PTCHD4: variants seen among roughly 807,000 people sequenced by gnomAD.
PTCHD4 encodes the protein patched domain containing 4, also known as patched domain-containing protein 4.
In PTCHD4, 33 loss-of-function variants were observed where a neutral mutation model predicts 58.1. That is an observed-to-expected ratio of 0.57 (90% confidence interval 0.43 to 0.76). The LOEUF is 0.76. PTCHD4 is among the 30% of genes least tolerant of loss of function. The pLI, the probability that PTCHD4 is intolerant of heterozygous loss-of-function variation, is 0.00. For synonymous variants in PTCHD4, 478 were observed against 409.6 expected (o/e 1.17, Z -2.02); for missense variants, 1,058 against 1,027.1 (o/e 1.03, Z -0.41).
At chr6:47,933,102 C>T (rs1368901503) in intron 4 of PTCHD4, among the ~76,000 whole-genome samples, 1 of 152,162 alleles carries the variant, frequency 6.6e-6, no homozygotes, top group African/African-American at 2.4e-5. Flanking sequence ...CTGCAAGTTC[C>T]TAGCCTGCAG....
chr6:47,869,855 A>G lies in PTCHD4; in HGVS notation c.*8448T>C, dbSNP rs558535924. ...GAAGTTTAATTCTTAGCCTAGAATT[A>G]AAAGGTAGCATGCTCGAAGTTCTCA... On this transcript the variant is annotated 3_prime_UTR_variant, in exon 5 of 5. Coordinates refer to ENST00000339488, the MANE Select transcript of PTCHD4 (RefSeq NM_001384253.1). Among the ~76,000 whole-genome samples, 1 of 151,662 alleles carries G rather than the reference A, an allele frequency of 6.6e-6. No individual in the cohort carries two copies. The highest frequency in any genetic ancestry group is 2.4e-5 in the African/African-American group (1 of 41,374).
At chr6:47,947,863 G>A (rs191932813) in intron 4 of PTCHD4, among the ~76,000 whole-genome samples, 11 of 152,028 alleles carry the variant, frequency 7.2e-5, no homozygotes, top group South Asian at 2.1e-4. Context: ...TTATGTTTCC[G>A]CCATTGTTTC....
chr6:47,935,830 AT>A (rs1186125627), intron 4 of PTCHD4, among the ~76,000 whole-genome samples: 2 of 152,196 alleles, frequency 1.3e-5, no homozygotes, highest in Non-Finnish European at 2.9e-5. Context: ...AAAGCATATA[AT>A]TTTAGGTGAT....
intron 1 of PTCHD4, among the ~76,000 whole-genome samples, chr6:48,098,619 G>A (rs574050408): frequency 1.3e-5 from 2 of 152,278 alleles, no homozygotes; most frequent in East Asian, 1.9e-4. Context: ...GATTACAGGC[G>A]TGGGCCACTG....
At chr6:47,916,835 A>G (rs1230960258) in intron 4 of PTCHD4, among the ~76,000 whole-genome samples, 1 of 152,186 alleles carries the variant, frequency 6.6e-6, no homozygotes, top group African/African-American at 2.4e-5. Flanking sequence ...GAATCTGTCC[A>G]AAATGTTAAA....
At position 47,875,618 on chromosome 6, in the gene PTCHD4, C is replaced by T. The variant is rs1354187517; in HGVS notation, c.*2685G>A. On this transcript the variant is annotated 3_prime_UTR_variant, in exon 5 of 5. Coordinates refer to ENST00000339488, the MANE Select transcript of PTCHD4 (RefSeq NM_001384253.1). ...CCTTCCAAAATGCCCTCTAGTCACT[C>T]GAACAATGAGAAATTCATATTTATC... Among the ~76,000 whole-genome samples the T allele has an allele frequency of 3.3e-5, 5 of 151,702 alleles. No individual in the cohort carries two copies. The highest frequency in any genetic ancestry group is 5.9e-5 in the Non-Finnish European group (4 of 67,850).
chr6:47,955,391 G>C (rs530966181), intron 4 of PTCHD4, among the ~76,000 whole-genome samples: 1 of 152,162 alleles, frequency 6.6e-6, no homozygotes, highest in Non-Finnish European at 1.5e-5. Context: ...CTCGAATTAT[G>C]AGTCTGATTT....
At chr6:47,912,648 G>A (rs567868833) in intron 4 of PTCHD4, among the ~76,000 whole-genome samples, 2 of 152,046 alleles carry the variant, frequency 1.3e-5, no homozygotes, top group Admixed American at 6.6e-5. Context: ...ATAAGAATTA[G>A]TGACATTATT....
At chr6:48,103,987 A>G (rs1765663105) in intron 1 of PTCHD4, among the ~76,000 whole-genome samples, 1 of 152,260 alleles carries the variant, frequency 6.6e-6, no homozygotes, top group Non-Finnish European at 1.5e-5. Context: ...GGTGTACCTG[A>G]AAGTGACAGG....
chr6:47,956,765 C>A (rs1228818648), intron 4 of PTCHD4, among the ~76,000 whole-genome samples: 1 of 152,020 alleles, frequency 6.6e-6, no homozygotes, highest in East Asian at 1.9e-4. Context: ...ATTCTATGTA[C>A]TTTTTGGTTT....
intron 3 of PTCHD4, among the ~76,000 whole-genome samples, chr6:48,019,712 G>A (rs1762996167): frequency 6.6e-6 from 1 of 151,004 alleles, no homozygotes; most frequent in Admixed American, 6.6e-5. Flanking sequence ...CTCCAGCCTG[G>A]GTGGCAGAGC....
At chr6:47,953,303 A>G (rs1766725754) in intron 4 of PTCHD4, among the ~76,000 whole-genome samples, 1 of 152,132 alleles carries the variant, frequency 6.6e-6, no homozygotes, top group African/African-American at 2.4e-5. Flanking sequence ...ATTTTTTAAA[A>G]AGTTAACCAC....
chr6:48,082,929 T>C (rs1032014278), intron 1 of PTCHD4, among the ~76,000 whole-genome samples: 9 of 151,948 alleles, frequency 5.9e-5, no homozygotes, highest in Non-Finnish European at 1.0e-4. Flanking sequence ...CATGTTTGGC[T>C]TAGTTCCATA....
chr6:47,925,707 T>G (rs1443029560), intron 4 of PTCHD4, among the ~76,000 whole-genome samples: 1 of 152,224 alleles, frequency 6.6e-6, no homozygotes, highest in East Asian at 1.9e-4. Flanking sequence ...TGGCTTGCTT[T>G]TAGTTATTCT....
intron 1 of PTCHD4, among the ~76,000 whole-genome samples, chr6:48,096,745 G>A (rs1157528363): frequency 1.3e-5 from 2 of 152,098 alleles, no homozygotes; most frequent in African/African-American, 4.8e-5. Context: ...GGCCTTCTAT[G>A]CTACCTTGGA....
chr6:47,965,583 G>A (rs894055347), intron 4 of PTCHD4, among the ~76,000 whole-genome samples: 1 of 152,182 alleles, frequency 6.6e-6, no homozygotes, highest in African/African-American at 2.4e-5. Context: ...GCAGAACTTA[G>A]TAATAATACT....
intron 4 of PTCHD4, among the ~76,000 whole-genome samples, chr6:48,001,520 A>G (rs1026535898): frequency 2.6e-5 from 4 of 152,220 alleles, no homozygotes; most frequent in African/African-American, 9.6e-5. Flanking sequence ...AGGATTCCCT[A>G]TTTAATAAAT....
At chr6:48,020,200 T>A (rs1763016109) in intron 3 of PTCHD4, among the ~76,000 whole-genome samples, 1 of 152,134 alleles carries the variant, frequency 6.6e-6, no homozygotes, top group Non-Finnish European at 1.5e-5. Flanking sequence ...GGGCATGGCA[T>A]GATTTTTTTT....
intron 3 of PTCHD4, among the ~76,000 whole-genome samples, chr6:48,038,727 CATG>C (rs1763736715): frequency 6.7e-6 from 1 of 150,042 alleles, no homozygotes; most frequent in Admixed American, 6.6e-5. Context: ...TGATTTAAGG[CATG>C]ATATTTCAAG....
Sources: allele counts gnomAD v4.1 joint callset (sites outside exome capture counted in the v4.1 genomes callset), GRCh38; gene constraint gnomAD v4.1.1; transcripts MANE v1.5; gene names NCBI Gene and HGNC (gene_info 2026-07-23, HGNC 2026-07-21).